The following CPSF6 variants were observed in gnomAD, a reference collection of about 807,000 sequenced individuals.
The protein encoded by CPSF6 is cleavage and polyadenylation specificity factor subunit 6.
In CPSF6, 10 loss-of-function variants were observed where a neutral mutation model predicts 56.7. The observed-to-expected ratio is 0.18, with a 90% CI of 0.11 to 0.30. The LOEUF (loss-of-function observed/expected upper bound fraction) is 0.30. CPSF6 is among the 10% of genes least tolerant of loss of function. The probability of loss-of-function intolerance (pLI) is 1.00; values close to 1 mark genes in which losing one functional copy is unlikely to be tolerated. For missense variants in CPSF6, 419 were observed against 722.9 expected (o/e 0.58, Z 4.82); for synonymous variants, 248 against 244.8 (o/e 1.01, Z -0.12).
At position 69,239,622 on chromosome 12, in the gene CPSF6, C is replaced by G. The variant is rs1373942015; in HGVS notation, c.-25C>G. ...GCAGACCTGCAGGAGGCGGCGGCGG[C>G]GGCGGCGGCCGAGGCTGAAGGAAGA... On this transcript the variant is annotated 5_prime_UTR_variant, in exon 1 of 10. Transcript: ENST00000435070. The G allele has an allele frequency of 6.4e-7, 1 of 1,553,986 alleles. No homozygotes were observed. The highest frequency in any genetic ancestry group is 1.2e-5 in the South Asian group (1 of 84,132).
chr12:69,259,051 C>G lies in CPSF6; in HGVS notation c.1156C>G (p.Arg386Gly). 6.2e-7 allele frequency: 1 copy of G among 1,604,446 alleles called. No individual in the cohort carries two copies. Reference protein sequence around the residue: ...RGPPPTDPYGRPPPYDRGDYG... With the variant: ...RGPPPTDPYGGPPPYDRGDYG... ...TCCACCACCAACAGATCCATATGGGCGACCTCCACCATATGATAGGGGTGA... is the reference window on the plus strand; with the variant it reads ...TCCACCACCAACAGATCCATATGGGGGACCTCCACCATATGATAGGGGTGA... The change falls in exon 6 of 10, where the codon CGA becomes GGA. Residue 386 changes from arginine (R) to glycine (G), a missense_variant. Physicochemically the swap from Arg to Gly is moderately radical, Grantham distance 125. Coordinates refer to ENST00000435070, the MANE Select transcript of CPSF6 (RefSeq NM_007007.3).
chr12:69,241,506 T>C (rs550849891), intron 1 of CPSF6, among the ~76,000 whole-genome samples: 49 of 152,328 alleles, frequency 3.2e-4, no homozygotes, highest in African/African-American at 1.1e-3. Flanking sequence ...AAAAGAAGAA[T>C]TGGGTCTCAA....
chr12:69,247,567 G>A (rs546872655), intron 1 of CPSF6, among the ~76,000 whole-genome samples: 13 of 152,196 alleles, frequency 8.5e-5, no homozygotes, highest in Non-Finnish European at 1.3e-4. Context: ...GACCCTTCAT[G>A]TAATAAAAAA....
chr12:69,240,204 C>T (rs990383668), intron 1 of CPSF6, among the ~76,000 whole-genome samples: 4 of 152,176 alleles, frequency 2.6e-5, no homozygotes, highest in African/African-American at 9.7e-5. Flanking sequence ...ATTTTGTCTC[C>T]CTGCCCGCGC....
At chr12:69,254,275 TC>T (rs1413743055) in intron 3 of CPSF6, among the ~76,000 whole-genome samples, 1 of 152,200 alleles carries the variant, frequency 6.6e-6, no homozygotes, top group Non-Finnish European at 1.5e-5. Context: ...TGGTCTGTTT[TC>T]CCACCACCTT....
intron 1 of CPSF6, among the ~76,000 whole-genome samples, chr12:69,249,893 C>T (rs1171595746): frequency 6.6e-6 from 1 of 152,168 alleles, no homozygotes; most frequent in African/African-American, 2.4e-5. Flanking sequence ...CACCCAGTAG[C>T]ATTGCTTTAA....
Position 69,262,386 on chromosome 12 carries a change from A to G in CPSF6, c.1483A>G (p.Arg495Gly). ...TTCTTTTAGAAGACGTGAACGATCA[A>G]GAGAGAGGGACCATAGTAGATCACG... ...YGSGSRRERS[R>G]ERDHSRSREK... The change falls in exon 9 of 10, where the codon AGA (arginine) becomes GGA (glycine). Residue 495 changes from arginine (R) to glycine (G), a missense_variant. Physicochemically the swap from Arg to Gly is moderately radical, Grantham distance 125 (BLOSUM62 -2). Transcript: ENST00000435070. 1 of 1,600,308 alleles carries G rather than the reference A, an allele frequency of 6.2e-7. No individual in the cohort carries two copies. Among genetic ancestry groups the G allele is most frequent in the South Asian group, 1.1e-5 (1 of 89,510 alleles).
intron 9 of CPSF6, 103 bp downstream of exon 9, chr12:69,262,665 C>A: frequency 8.1e-7 from 1 of 1,228,200 alleles, no homozygotes; most frequent in Non-Finnish European, 1.1e-6. Flanking sequence ...TTAAATGGTC[C>A]AACTACTTGT....
Position 69,262,516 on chromosome 12 carries a change from G to C in CPSF6, c.1613G>C (p.Arg538Pro). 1.2e-6 allele frequency: 2 copies of C among 1,613,354 alleles called. No individual in the cohort carries two copies. The highest frequency in any genetic ancestry group is 1.7e-6 in the Non-Finnish European group (2 of 1,179,406). Residue 538 changes from arginine to proline, a missense_variant, in exon 9 of 10, where the codon CGT (arginine) becomes CCT (proline). By Grantham distance (103) the Arg-to-Pro change is moderately radical. Transcript: ENST00000435070. ...RERHRDRDRD[R>P]DRERDREREY... ...AGGCACCGGGATCGTGACCGAGACC[G>C]TGACCGAGAGCGTGACCGAGAGCGC...
At chr12:69,240,456 C>T (rs548346804) in intron 1 of CPSF6, among the ~76,000 whole-genome samples, 96 of 152,254 alleles carry the variant, frequency 6.3e-4, no homozygotes, top group African/African-American at 2.2e-3. Context: ...TGCTTTGAAG[C>T]CCAGTCGTTG....
chr12:69,265,545 T>C (rs1320896721), intron 9 of CPSF6, among the ~76,000 whole-genome samples: 1 of 152,122 alleles, frequency 6.6e-6, no homozygotes, highest in African/African-American at 2.4e-5. Flanking sequence ...TGACAATTTT[T>C]AAGCATTGGG....
At chr12:69,267,515 T>G (rs2120641169) in intron 9 of CPSF6, among the ~76,000 whole-genome samples, 1 of 152,106 alleles carries the variant, frequency 6.6e-6, no homozygotes. Context: ...AATGATACAT[T>G]GAAAACATGG....
In CPSF6 at chr12:69,251,269, A is replaced by G; in HGVS notation, c.201A>G (p.Gly67=). 1.2e-6 allele frequency: 2 copies of G among 1,611,600 alleles called. No homozygotes were observed. Among genetic ancestry groups the G allele is most frequent in the Non-Finnish European group, 1.7e-6 (2 of 1,178,662 alleles). The stretch of plus-strand genomic sequence containing the variant: ...CTGTTGGTGATGATGTGGGTAAAGG[A>G]GCAGCACCAAATGTTGTCTATACAT... The part of the protein sequence containing the change: ...PPTVGDDVGK[G]AAPNVVYTYT... The change falls in exon 2 of 10, where the codon GGA becomes GGG. Residue 67 remains glycine (G), a synonymous_variant. Coordinates refer to ENST00000435070, the MANE Select transcript of CPSF6 (RefSeq NM_007007.3).
intron 1 of CPSF6, among the ~76,000 whole-genome samples, chr12:69,244,853 A>G (rs1871809974): frequency 6.6e-6 from 1 of 152,168 alleles, no homozygotes; most frequent in Admixed American, 6.5e-5. Context: ...GTCATCTCCT[A>G]GGATAACTGC....
intron 3 of CPSF6, among the ~76,000 whole-genome samples, chr12:69,256,401 C>T (rs566279249): frequency 5.3e-5 from 8 of 152,224 alleles, no homozygotes; most frequent in South Asian, 2.1e-4. Context: ...AATGTGTACT[C>T]GTATAGTTAA....
At chr12:69,245,795 G>A (rs1364589957) in intron 1 of CPSF6, among the ~76,000 whole-genome samples, 1 of 152,172 alleles carries the variant, frequency 6.6e-6, no homozygotes, top group Non-Finnish European at 1.5e-5. Context: ...GCTTTAAAAT[G>A]GAAGTGTAGG....
At position 69,251,256 on chromosome 12, in the gene CPSF6, A is replaced by T. The variant is rs1281360925; in HGVS notation, c.188A>T (p.Asp63Val). 1 of 1,612,562 alleles carries T rather than the reference A, an allele frequency of 6.2e-7. No homozygotes were observed. The highest frequency in any genetic ancestry group is 1.9e-4 in the Middle Eastern group (1 of 5,302). ...ACTCTCCCACCAACTGTTGGTGATG[A>T]TGTGGGTAAAGGAGCAGCACCAAAT... ...MDTLPPTVGD[D>V]VGKGAAPNVV... is the part of the protein sequence containing the mutation. The change falls in exon 2 of 10, where the codon GAT becomes GTT. Residue 63 changes from aspartate to valine, a missense_variant. By Grantham distance (152) the Asp-to-Val change is radical. Transcript: ENST00000435070.
chr12:69,259,563 T>C lies in CPSF6; in HGVS notation c.1315+20T>C, dbSNP rs374712204. ...GTGCTGGTTTGTGTATTTCTTGTAT[T>C]AATATTTCTTATTTATGTTATTAGG... On this transcript the variant is annotated intron_variant, in intron 7 of 9. Transcript: ENST00000435070. 15 of 1,582,374 alleles carry C rather than the reference T, an allele frequency of 9.5e-6. No homozygotes were observed. In the African/African-American group the frequency reaches 2.0e-4, roughly 22 times the overall value.
At position 69,273,495 on chromosome 12, in the gene CPSF6, A is replaced by T. The variant is rs569689934; in HGVS notation, c.*3987A>T. On this transcript the variant is annotated 3_prime_UTR_variant, in exon 10 of 10. Coordinates refer to ENST00000435070, the MANE Select transcript of CPSF6 (RefSeq NM_007007.3). ...TAACTGCATAGTAAATACTACCAAGAGTTTTTTTCACGTGGGAGTATCCTA... is the reference window on the plus strand; with the variant it reads ...TAACTGCATAGTAAATACTACCAAGTGTTTTTTTCACGTGGGAGTATCCTA... The T allele has an allele frequency of 1.9e-5, 3 of 154,858 alleles. No homozygotes were observed. In the South Asian group the frequency reaches 5.8e-4, roughly 30 times the overall value. 9.6% of individuals were successfully genotyped at this position (154,858 alleles called of 1,614,324 possible). A position where few individuals can be genotyped will look rare whatever the true frequency, so the allele number is the denominator to read the frequency against.
Sources: gnomAD v4.1 joint callset for allele counts (sites outside exome capture counted in the v4.1 genomes callset) on GRCh38, gnomAD v4.1.1 for gene constraint, MANE v1.5 for transcripts, NCBI Gene and HGNC (gene_info 2026-07-23, HGNC 2026-07-21) for gene names.